The following PPP2R2C variants were observed in gnomAD, a reference collection of about 807,000 sequenced individuals.
The protein encoded by PPP2R2C is protein phosphatase 2, regulatory subunit B, gamma.
Under a neutral mutation model 45.3 loss-of-function variants are expected in PPP2R2C, and 10 were observed. The ratio of observed to expected loss-of-function variants is 0.22; its 90% CI spans 0.14 to 0.37. The LOEUF is 0.37. PPP2R2C is among the 10% of genes least tolerant of loss of function. The pLI is 1.00. For missense variants in PPP2R2C, 308 were observed against 619.7 expected (o/e 0.50, Z 5.34); for synonymous variants, 257 against 245.4 (o/e 1.05, Z -0.44).
At chr4:6,337,938 C>G (rs1378982059) in intron 6 of PPP2R2C, among the ~76,000 whole-genome samples, 1 of 151,972 alleles carries the variant, frequency 6.6e-6, no homozygotes. Flanking sequence ...TTAGACGTTT[C>G]TATGAAATTT....
intron 1 of PPP2R2C, among the ~76,000 whole-genome samples, chr4:6,400,885 CAT>C (rs1380578091): frequency 1.3e-5 from 2 of 152,186 alleles, no homozygotes; most frequent in East Asian, 3.9e-4. Flanking sequence ...CGCTTCCGCT[CAT>C]GCAGTCAAAG....
chr4:6,460,609 A>C (rs1721273379), intron 1 of PPP2R2C, among the ~76,000 whole-genome samples: 1 of 152,174 alleles, frequency 6.6e-6, no homozygotes, highest in African/African-American at 2.4e-5. Flanking sequence ...ATGCTCAAAA[A>C]CCATCTTTCA....
At chr4:6,380,252 T>G (rs1430040951) in intron 2 of PPP2R2C, 1 of 150,382 alleles carries the variant, frequency 6.6e-6, no homozygotes, top group Non-Finnish European at 1.5e-5. Context: ...AGGTGAGCAG[T>G]GCAGAGTAAA....
rs1223879001 is a variant in PPP2R2C, at chr4:6,479,901, G to C, written c.49+55370C>G. On this transcript the variant is annotated intron_variant, in intron 2 of 9. Coordinates refer to the PPP2R2C transcript ENST00000506140. ...TTTTATTTTATTTTTTGTAGACACA[G>C]GGTCTCACTATGTTGCCCAGGCCCG... 3.3e-5 allele frequency among the ~76,000 whole-genome samples: 5 copies of C among 151,584 alleles called. No homozygotes were observed. The South Asian group carries it at 8.4e-4, about 25-fold the overall frequency.
At chr4:6,350,468 A>G in intron 5 of PPP2R2C, 2 of 985,464 alleles carry the variant, frequency 2.0e-6, no homozygotes, top group Non-Finnish European at 2.4e-6. Flanking sequence ...GAGACACACA[A>G]AAGCCACAGG....
At chr4:6,523,564 C>A (rs1724093240) in intron 2 of PPP2R2C, 1 of 152,240 alleles carries the variant, frequency 6.6e-6, no homozygotes, top group African/African-American at 2.4e-5. Context: ...AATCCAAATG[C>A]AAAGCGAGTG....
intron 4 of PPP2R2C, among the ~76,000 whole-genome samples, chr4:6,374,332 G>C (rs1715123774): frequency 6.6e-6 from 1 of 152,152 alleles, no homozygotes; most frequent in South Asian, 2.1e-4. Context: ...CACCAAACCA[G>C]AGCTCAAAAC....
chr4:6,381,233 A>G lies in PPP2R2C; in HGVS notation c.71-139T>C, dbSNP rs892000458. ...TGGGCAGGAGGCAGCAGGGAGCCTG[A>G]GGGGTCAGGAGCATCGGCGAGGGGC... On this transcript the variant is annotated intron_variant, in intron 1 of 8. Transcript: ENST00000382599. The G allele has an allele frequency of 3.3e-6, 5 of 1,537,954 alleles. No individual in the cohort carries two copies. The African/African-American group carries it at 6.8e-5, about 21-fold the overall frequency.
intron 2 of PPP2R2C, among the ~76,000 whole-genome samples, chr4:6,379,042 G>A (rs1159046165): frequency 6.6e-6 from 1 of 152,058 alleles, no homozygotes; most frequent in Non-Finnish European, 1.5e-5. Context: ...TTGAGGCTCT[G>A]GCCACCCTCG....
chr4:6,340,821 C>T (rs1387164475), intron 6 of PPP2R2C, among the ~76,000 whole-genome samples: 1 of 152,270 alleles, frequency 6.6e-6, no homozygotes, highest in Non-Finnish European at 1.5e-5. Context: ...AGCTCTTGCT[C>T]TGGCCTGTGA....
Position 6,449,520 on chromosome 4 carries a change from G to A in PPP2R2C, c.70+22640C>T, listed in dbSNP as rs570942808. On this transcript the variant is annotated intron_variant, in intron 1 of 8. Coordinates refer to ENST00000382599, the MANE Select transcript of PPP2R2C (RefSeq NM_020416.4). ...AGAGCCATGCTGACGTGAGACATGC[G>A]GACCCCCGCCGCCGCCTGGCCCCTG... Among the ~76,000 whole-genome samples the A allele has an allele frequency of 2.0e-4, 30 of 152,346 alleles. 1 individual carries two copies. The South Asian group carries it at 5.2e-3, about 26-fold the overall frequency.
chr4:6,549,838 C>G (rs1377557169), intron 1 of PPP2R2C, among the ~76,000 whole-genome samples: 1 of 152,192 alleles, frequency 6.6e-6, no homozygotes, highest in South Asian at 2.1e-4. Context: ...CCTGACAGTC[C>G]TTATGGGACA....
chr4:6,442,321 C>G (rs1025887057), intron 1 of PPP2R2C, among the ~76,000 whole-genome samples: 2 of 152,246 alleles, frequency 1.3e-5, no homozygotes, highest in African/African-American at 4.8e-5. Context: ...TCAGCTCTGC[C>G]CGCTCTCAGC....
intron 1 of PPP2R2C, among the ~76,000 whole-genome samples, chr4:6,466,198 G>A (rs145215040): frequency 1.3e-4 from 20 of 152,204 alleles, no homozygotes; most frequent in Admixed American, 3.9e-4. Context: ...ACAGGGTAGC[G>A]TGCTGTGGGA....
chr4:6,329,484 G>A lies in PPP2R2C; in HGVS notation c.961-131C>T. On this transcript the variant is annotated intron_variant, in intron 7 of 8. Coordinates refer to ENST00000382599, the MANE Select transcript of PPP2R2C (RefSeq NM_020416.4). The surrounding 1 kb of genome is among the most constrained non-coding windows in gnomAD (Gnocchi z 5.8). The stretch of plus-strand genomic sequence containing the variant: ...GCCCAGCGCAGACCTGCTCATCTCA[G>A]CGAGGGTCTGAATGCTCTGACACAG... 1 of 754,100 alleles carries A rather than the reference G, an allele frequency of 1.3e-6. No individual in the cohort carries two copies. The highest frequency in any genetic ancestry group is 1.6e-5 in the South Asian group (1 of 61,978). The allele number at this position is 754,100 out of a possible 1,614,324, so 46.7% of individuals were successfully genotyped here.
chr4:6,370,723 A>G (rs1714742165), intron 5 of PPP2R2C, among the ~76,000 whole-genome samples: 1 of 152,178 alleles, frequency 6.6e-6, no homozygotes, highest in Non-Finnish European at 1.5e-5. Context: ...CCCTGAAGCC[A>G]CCTGGCCCGC....
At chr4:6,455,312 A>G (rs1450021295) in intron 1 of PPP2R2C, among the ~76,000 whole-genome samples, 2 of 152,192 alleles carry the variant, frequency 1.3e-5, no homozygotes, top group Non-Finnish European at 2.9e-5. Flanking sequence ...AGACACAAGA[A>G]TAATCTGGAA....
rs1456026747 is a variant in PPP2R2C at position 6,413,537 on chromosome 4, T to G, written c.71-32443A>C. ...CCGGTAATTAAACCTGCCGGGCAGA[T>G]GCTGGTGGGTGTGCATCCCAGAGGC... On this transcript the variant is annotated intron_variant, in intron 1 of 8. Coordinates refer to ENST00000382599, the MANE Select transcript of PPP2R2C (RefSeq NM_020416.4). 2.0e-5 allele frequency among the ~76,000 whole-genome samples: 3 copies of G among 152,220 alleles called. No individual in the cohort carries two copies. In the East Asian group the frequency reaches 5.8e-4, roughly 29 times the overall value.
intron 2 of PPP2R2C, among the ~76,000 whole-genome samples, chr4:6,504,189 T>G (rs896705066): frequency 6.6e-6 from 1 of 152,192 alleles, no homozygotes; most frequent in East Asian, 1.9e-4. Context: ...CCAAGTCCCA[T>G]GTATGAAGTC....
Sources: gnomAD v4.1 joint callset for allele counts (sites outside exome capture counted in the v4.1 genomes callset) on GRCh38, gnomAD v4.1.1 for gene constraint, Gnocchi (gnomAD v3.1) non-coding constraint, MANE v1.5 for transcripts, NCBI Gene and HGNC (gene_info 2026-07-23, HGNC 2026-07-21) for gene names.